CAPN14: variants seen among roughly 807,000 people sequenced by gnomAD.
CAPN14 encodes calpain 14.
CAPN14 carries 94 observed loss-of-function variants against 101.3 expected under a neutral mutation model. The observed-to-expected ratio is 0.93, with a 90% CI of 0.79 to 1.10. The LOEUF (loss-of-function observed/expected upper bound fraction) is 1.10. CAPN14 is among the 50% of genes least tolerant of loss of function. The pLI, the probability that CAPN14 is intolerant of heterozygous loss-of-function variation, is 0.00. For synonymous variants in CAPN14, 338 were observed against 317.9 expected, an observed-to-expected ratio of 1.06 and a Z score of -0.67; for missense variants, 837 against 828.4, an observed-to-expected ratio of 1.01 and a Z score of -0.13.
chr2:31,181,433 T>C (rs1426127324), intron 16 of CAPN14, among the ~76,000 whole-genome samples: 1 of 147,308 alleles, frequency 6.8e-6, no homozygotes, highest in African/African-American at 2.6e-5. Flanking sequence ...TTTCTTTCTT[T>C]CTTTCTTTCT....
At position 31,193,288 on chromosome 2, in the gene CAPN14, C is replaced by G. The variant is rs188339684; in HGVS notation, c.957G>C (p.Thr319=). ...CGAAATGTGTTTTAAAGTCCTGCAG[C>G]GTCATCCTGTGGAGAGAAGAAGGAA... The part of the protein sequence containing the change: ...RKDNDGEFWM[T]LQDFKTHFVL... Residue 319 remains threonine, a synonymous_variant, in exon 10 of 22, where the codon ACG becomes ACC. Transcript: ENST00000403897. 5.8e-6 allele frequency: 9 copies of G among 1,551,628 alleles called. 1 individual carries two copies. The East Asian group carries it at 2.2e-4, about 38-fold the overall frequency.
At chr2:31,201,805 C>A in intron 5 of CAPN14, 57 bp downstream of exon 5, 1 of 1,537,308 alleles carries the variant, frequency 6.5e-7, no homozygotes, top group Non-Finnish European at 8.8e-7. Flanking sequence ...CCTCCCTCAA[C>A]ATTGAGAGAG....
intron 10 of CAPN14, 29 bp downstream of exon 10, chr2:31,193,102 G>A (rs986514745): frequency 2.0e-5 from 30 of 1,537,006 alleles, no homozygotes; most frequent in African/African-American, 1.4e-4. Flanking sequence ...ACCTCACCCT[G>A]AGAGCCCTGC....
intron 9 of CAPN14, among the ~76,000 whole-genome samples, chr2:31,193,550 AC>A (rs1265119848): frequency 7.9e-5 from 12 of 152,176 alleles, no homozygotes; most frequent in Admixed American, 5.9e-4. Context: ...CACATGGCTG[AC>A]CGGGGGAGAT....
At chr2:31,231,137 C>A (rs1360198475) in intron 1 of CAPN14, among the ~76,000 whole-genome samples, 1 of 149,244 alleles carries the variant, frequency 6.7e-6, no homozygotes, top group African/African-American at 2.6e-5. Flanking sequence ...TCCCCTTCCA[C>A]CTCTCCCTCT....
Position 31,224,311 on chromosome 2 carries a change from C to G in CAPN14, c.-53+2217G>C, listed in dbSNP as rs539655425. 6.4e-4 allele frequency among the ~76,000 whole-genome samples: 98 copies of G among 152,152 alleles called. 1 individual carries two copies. The highest frequency in any genetic ancestry group is 1.9e-4 in the Non-Finnish European group (13 of 68,020). On this transcript the variant is annotated intron_variant and NMD_transcript_variant, in intron 2 of 21. Transcript: ENST00000398824. ...ACATATGAAGGCTTCTATACACATACAAATATATATGTCTGTTAAAGCTGA... is the reference window on the plus strand; with the variant it reads ...ACATATGAAGGCTTCTATACACATAGAAATATATATGTCTGTTAAAGCTGA...
At chr2:31,221,816 C>A (rs1008239371), upstream of CAPN14, among the ~76,000 whole-genome samples, 16 of 152,232 alleles carry the variant, frequency 1.1e-4, no homozygotes, top group Admixed American at 7.2e-4. Context: ...TAAGACATTG[C>A]GACTGATGCC....
In CAPN14 at chr2:31,177,161, C is replaced by A. The variant is rs1171112687; in HGVS notation, c.1856-19G>T. ...ATGATTCCTGCATTGAGCACAAGCT[C>A]CTGCTGTGGGTATTGGGGGCTTGCA... On this transcript the variant is annotated intron_variant, in intron 19 of 21. Coordinates refer to ENST00000403897, the MANE Select transcript of CAPN14 (RefSeq NM_001145122.2). The A allele has an allele frequency of 6.5e-7, 1 of 1,533,120 alleles. No individual in the cohort carries two copies. Among genetic ancestry groups the A allele is most frequent in the South Asian group, 1.2e-5 (1 of 83,164 alleles). The allele number at this position is 1,533,120 out of a possible 1,614,324, so 95.0% of individuals were successfully genotyped here.
At chr2:31,222,226 C>A (rs553740406), upstream of CAPN14, among the ~76,000 whole-genome samples, 4 of 152,280 alleles carry the variant, frequency 2.6e-5, no homozygotes, top group African/African-American at 9.6e-5. Flanking sequence ...AACTTCCCCT[C>A]AACTGAAAAG....
chr2:31,222,779 G>A (rs1461577424), intron 2 of CAPN14, among the ~76,000 whole-genome samples: 1 of 152,174 alleles, frequency 6.6e-6, no homozygotes, highest in Admixed American at 6.5e-5. Flanking sequence ...GGAGTTCAAA[G>A]ATGTTACGGA....
At chr2:31,214,994 G>A (rs1463555544) in intron 1 of CAPN14, among the ~76,000 whole-genome samples, 3 of 151,798 alleles carry the variant, frequency 2.0e-5, no homozygotes, top group African/African-American at 7.3e-5. Context: ...TCTTCTCTCC[G>A]GCACAGGCAC....
chr2:31,225,390 C>G (rs1682990440), intron 2 of CAPN14, among the ~76,000 whole-genome samples: 1 of 151,840 alleles, frequency 6.6e-6, no homozygotes, highest in African/African-American at 2.4e-5. Flanking sequence ...TGTAGGAACT[C>G]TGATATCATT....
At chr2:31,232,350 C>A (rs1348078658) in intron 1 of CAPN14, among the ~76,000 whole-genome samples, 2 of 152,120 alleles carry the variant, frequency 1.3e-5, no homozygotes, top group Non-Finnish European at 2.9e-5. Context: ...TGAAAAAAAT[C>A]TTTTGAGTCT....
intron 1 of CAPN14, among the ~76,000 whole-genome samples, chr2:31,209,137 CTT>C (rs34521833): frequency 3.8e-5 from 5 of 131,738 alleles, no homozygotes; most frequent in African/African-American, 8.4e-5. Flanking sequence ...GCGCAGCTAA[CTT>C]TTTTTTTTTT....
upstream of CAPN14, among the ~76,000 whole-genome samples, chr2:31,219,370 C>G (rs1386293735): frequency 6.6e-6 from 1 of 152,192 alleles, no homozygotes; most frequent in Non-Finnish European, 1.5e-5. Context: ...CGACTGTCAC[C>G]CAGGACAGAC....
rs554541112 is a variant in CAPN14, at chr2:31,181,242, C to A, written c.1646-242G>T. Among the ~76,000 whole-genome samples, 163 of 152,180 alleles carry A rather than the reference C, an allele frequency of 1.1e-3. 1 individual carries two copies. Among genetic ancestry groups the A allele is most frequent in the African/African-American group, 3.6e-3 (151 of 41,514 alleles). ...GCTTGGGTTTGCTTACACAGAGGGC[C>A]AAATGAACATGCCCTTTGTACCTAG... On this transcript the variant is annotated intron_variant, in intron 16 of 21. Coordinates refer to ENST00000403897, the MANE Select transcript of CAPN14 (RefSeq NM_001145122.2).
At chr2:31,226,648 C>A (rs1046119731) in exon 2 of CAPN14, 1 of 152,216 alleles carries the variant, frequency 6.6e-6, no homozygotes, top group Non-Finnish European at 1.5e-5. Context: ...CAATCAAGAT[C>A]CTGCTGGCAG....
chr2:31,195,436 A>G (rs1039954622), intron 8 of CAPN14, among the ~76,000 whole-genome samples: 1 of 152,204 alleles, frequency 6.6e-6, no homozygotes, highest in African/African-American at 2.4e-5. Context: ...TCCCGGGTTC[A>G]AGCAATTCTC....
At position 31,177,793 on chromosome 2, in the gene CAPN14, G is replaced by C; in HGVS notation, c.1808C>G (p.Ser603Ter). 6.4e-7 allele frequency: 1 copy of C among 1,552,012 alleles called. No homozygotes were observed. Among genetic ancestry groups the C allele is most frequent in the Non-Finnish European group, 8.7e-7 (1 of 1,147,066 alleles). The change falls in exon 19 of 22, where the codon TCA (serine) becomes TGA (stop). Residue 603 changes from serine (S) to a stop codon, truncating the protein, a stop_gained. Coordinates refer to ENST00000403897, the MANE Select transcript of CAPN14 (RefSeq NM_001145122.2). LOFTEE classifies it high-confidence loss of function. ...QKVFHKQDRG[S>*]GYLNWEQLHA... is the part of the protein sequence containing the mutation. ...CAGCTGCTCCCAGTTCAGGTATCCT[G>C]ACCCACGGTCTTGCTTGTGGAAAAC...
Sources: allele counts gnomAD v4.1 joint callset (sites outside exome capture counted in the v4.1 genomes callset), GRCh38; gene constraint gnomAD v4.1.1; transcripts MANE v1.5; gene names NCBI Gene and HGNC (gene_info 2026-07-23, HGNC 2026-07-21).